The following ADAM2 variants were observed in gnomAD, a reference collection of about 807,000 sequenced individuals.
ADAM2 encodes the protein disintegrin and metalloproteinase domain-containing protein 2.
A neutral mutation model predicts 99.3 loss-of-function variants in ADAM2; 101 were observed. The observed-to-expected ratio is 1.02, with a 90% CI of 0.87 to 1.20. The LOEUF (loss-of-function observed/expected upper bound fraction) is 1.20. Among genes scored for constraint, ADAM2 ranks in the 50% most tolerant of loss-of-function variants. The pLI is 0.00. For synonymous variants in ADAM2, 323 were observed against 287.6 expected (o/e 1.12, Z -1.25); for missense variants, 948 against 878.7 (o/e 1.08, Z -1.00).
chr8:39,806,370 C>A (rs940119189), intron 7 of ADAM2, among the ~76,000 whole-genome samples: 2 of 151,664 alleles, frequency 1.3e-5, no homozygotes, highest in East Asian at 3.9e-4. Context: ...AGAATAGAAA[C>A]AACGATTTCA....
In ADAM2 at chr8:39,788,114, T is replaced by C; in HGVS notation, c.780A>G (p.Leu260=). The C allele has an allele frequency of 3.2e-6, 5 of 1,559,756 alleles. No homozygotes were observed. Among genetic ancestry groups the C allele is most frequent in the Non-Finnish European group, 4.3e-6 (5 of 1,156,246 alleles). Residue 260 remains leucine, a synonymous_variant, in exon 9 of 21, where the codon TTA becomes TTG. Transcript: ENST00000265708. ...GTAAAAATGCCACATCATGAGGACG[T>C]AAAACAAGATAAGATGTTTTCCATC... ...FLRWKTSYLV[L]RPHDVAFLLV...
intron 6 of ADAM2, among the ~76,000 whole-genome samples, chr8:39,811,494 A>G (rs1804693222): frequency 1.3e-5 from 2 of 152,230 alleles, no homozygotes; most frequent in African/African-American, 4.8e-5. Flanking sequence ...TTTTAGACCA[A>G]TATTCCTGAG....
intron 11 of ADAM2, among the ~76,000 whole-genome samples, chr8:39,771,213 A>G (rs995448723): frequency 6.6e-6 from 1 of 152,190 alleles, no homozygotes. Flanking sequence ...CTTAGTATGC[A>G]TGCATGGTTC....
chr8:39,801,385 C>T (rs980236683), intron 7 of ADAM2, among the ~76,000 whole-genome samples: 2 of 152,116 alleles, frequency 1.3e-5, no homozygotes, highest in South Asian at 2.1e-4. Flanking sequence ...AAGATGGGTA[C>T]CTTCTCCTTC....
At chr8:39,773,859 C>T (rs149614318) in intron 11 of ADAM2, among the ~76,000 whole-genome samples, 1,839 of 151,822 alleles carry the variant, frequency 0.012, 15 homozygotes, top group Middle Eastern at 0.027. Context: ...GATACTAAAA[C>T]CAGTCAAAGG....
At chr8:39,809,664 T>C (rs1804611069) in intron 6 of ADAM2, among the ~76,000 whole-genome samples, 198 bp from the exon 7 acceptor site, 1 of 152,192 alleles carries the variant, frequency 6.6e-6, no homozygotes, top group Non-Finnish European at 1.5e-5. Context: ...ATCAATTATT[T>C]AATTTACTTG....
At position 39,769,469 on chromosome 8, in the gene ADAM2, G is replaced by A. The variant is rs773158009; in HGVS notation, c.1135C>T (p.Pro379Ser). The change falls in exon 12 of 21, where the codon CCT becomes TCT. Residue 379 changes from proline (P) to serine (S), a missense_variant. Transcript: ENST00000265708. ...CACACTGCTTGCTGTTTGAAAAAAG[G>A]ATCTAAGCGAGGCTGATTGTGAAGA... is the stretch of plus-strand genomic sequence containing the variant. ...QCLHNQPRLD[P>S]FFKQQAVCGN... 6.2e-7 allele frequency: 1 copy of A among 1,613,872 alleles called. No homozygotes were observed. The highest frequency in any genetic ancestry group is 1.3e-5 in the African/African-American group (1 of 75,048).
intron 7 of ADAM2, among the ~76,000 whole-genome samples, chr8:39,808,658 A>T (rs1804555893): frequency 6.6e-6 from 1 of 152,124 alleles, no homozygotes; most frequent in Non-Finnish European, 1.5e-5. Context: ...TGGCTCACGC[A>T]TGTGGTCCCA....
rs766610939 is a variant in ADAM2 at position 39,767,123 on chromosome 8, T to A, written c.1311+30A>T. On this transcript the variant is annotated intron_variant, in intron 13 of 20. Transcript: ENST00000265708. ...TAATAATGATAACTACTTATGTAGG[T>A]AATATTGAAATTTTTCAAAAAGCTC... is the stretch of plus-strand genomic sequence containing the variant. 11 of 1,596,482 alleles carry A rather than the reference T, an allele frequency of 6.9e-6. No individual in the cohort carries two copies. The East Asian group carries it at 2.5e-4, about 36-fold the overall frequency.
At chr8:39,760,154 AC>A (rs998011151) in intron 15 of ADAM2, among the ~76,000 whole-genome samples, 1 of 152,098 alleles carries the variant, frequency 6.6e-6, no homozygotes, top group Non-Finnish European at 1.5e-5. Flanking sequence ...GGTATGAGCT[AC>A]CCCGCCCGGT....
chr8:39,824,889 A>AACTCTAAAATT lies in ADAM2; in HGVS notation c.196_197insAATTTTAGAGT (p.Leu66Ter). 1 of 1,469,684 alleles carries AACTCTAAAATT rather than the reference A, an allele frequency of 6.8e-7. No individual in the cohort carries two copies. The highest frequency in any genetic ancestry group is 9.4e-7 in the Non-Finnish European group (1 of 1,059,348). 91.0% of individuals were successfully genotyped at this position (1,469,684 alleles called of 1,614,324 possible). On this transcript the variant is annotated stop_gained and frameshift_variant, in exon 4 of 21. Transcript: ENST00000265708. LOFTEE classifies it high-confidence loss of function. ...ACTGTAAACTCTAAAATTATGGGGTAAAAAGTTTCTGTAACATAAAGATAA... is the reference window on the plus strand; with the variant it reads ...ACTGTAAACTCTAAAATTATGGGGTAACTCTAAAATTAAAAGTTTCTGTAACATAAAGATAA...
intron 10 of ADAM2, among the ~76,000 whole-genome samples, chr8:39,782,242 A>C (rs1056728804): frequency 6.6e-6 from 1 of 152,156 alleles, no homozygotes; most frequent in Non-Finnish European, 1.5e-5. Context: ...AATTTAACAA[A>C]TGTATCTTCT....
chr8:39,748,117 T>C (rs542784409), intron 18 of ADAM2, among the ~76,000 whole-genome samples: 1 of 152,312 alleles, frequency 6.6e-6, no homozygotes, highest in African/African-American at 2.4e-5. Context: ...TGTTTCTGAG[T>C]GCAATCAAAT....
At chr8:39,776,483 G>A (rs1802990970) in intron 11 of ADAM2, among the ~76,000 whole-genome samples, 1 of 151,972 alleles carries the variant, frequency 6.6e-6, no homozygotes, top group Non-Finnish European at 1.5e-5. Context: ...TAAATCCCCT[G>A]GCTATTTGAT....
chr8:39,830,684 C>T (rs1321353524), intron 3 of ADAM2, among the ~76,000 whole-genome samples: 1 of 151,760 alleles, frequency 6.6e-6, no homozygotes, highest in Non-Finnish European at 1.5e-5. Flanking sequence ...TTATTTACGA[C>T]AATAGTCGCA....
chr8:39,815,243 T>A (rs1490837997), intron 6 of ADAM2, among the ~76,000 whole-genome samples: 2 of 152,178 alleles, frequency 1.3e-5, no homozygotes, highest in Non-Finnish European at 2.9e-5. Context: ...CATTTATTTT[T>A]AAATCTATTT....
intron 16 of ADAM2, among the ~76,000 whole-genome samples, chr8:39,752,212 C>G (rs1006866637): frequency 2.0e-5 from 3 of 152,086 alleles, no homozygotes; most frequent in Non-Finnish European, 4.4e-5. Flanking sequence ...CATTTGCACC[C>G]CCTACAACAG....
intron 6 of ADAM2, among the ~76,000 whole-genome samples, chr8:39,813,403 A>G (rs1009840641): frequency 3.3e-5 from 5 of 152,254 alleles, no homozygotes; most frequent in African/African-American, 1.2e-4. Flanking sequence ...CATTTGACCC[A>G]GCCATCCCAT....
intron 2 of ADAM2, 41 bp downstream of exon 2, chr8:39,837,095 A>G (rs375112430): frequency 9.9e-5 from 146 of 1,475,982 alleles, no homozygotes; most frequent in Middle Eastern, 1.8e-4. Flanking sequence ...CAAAATCTTT[A>G]CATCATTTTA....
Sources: allele counts gnomAD v4.1 joint callset (sites outside exome capture counted in the v4.1 genomes callset), GRCh38; gene constraint gnomAD v4.1.1; transcripts MANE v1.5; gene names NCBI Gene and HGNC (gene_info 2026-07-23, HGNC 2026-07-21).